SHROOM4: variants seen among roughly 807,000 people sequenced by gnomAD.
SHROOM4 encodes the protein shroom family member 4.
A neutral mutation model predicts 80.3 loss-of-function variants in SHROOM4; 17 were observed. The ratio of observed to expected loss-of-function variants is 0.21; its 90% CI spans 0.14 to 0.32. The LOEUF (loss-of-function observed/expected upper bound fraction) is 0.32. SHROOM4 is among the 10% of genes least tolerant of loss of function. SHROOM4 has a pLI of 1.00. For synonymous variants in SHROOM4, 400 were observed against 437.5 expected (o/e 0.91, Z 1.07); for missense variants, 993 against 1,140.3 (o/e 0.87, Z 1.86).
At chrX:50,773,525 C>T (rs781993622) in intron 1 of SHROOM4, among the ~76,000 whole-genome samples, 14 of 112,233 alleles carry the variant, frequency 1.2e-4, no homozygotes, top group African/African-American at 4.2e-4. Context: ...TACTGTACTG[C>T]AATACAAAAG....
In SHROOM4 at chrX:50,608,108, A is replaced by G. The variant is rs1012526566; in HGVS notation, c.3034T>C (p.Leu1012=). The change falls in exon 6 of 9, where the codon TTG becomes CTG. Residue 1012 remains leucine (L), a synonymous_variant. Transcript: ENST00000376020. ...HPCLENPALD[L]SSYRAISSLD... ...GAAGAAATTGCTCGGTAGCTTGACA[A>G]GTCCAGTGCTGGGTTCTCAAGGCAA... 19 of 1,211,879 alleles carry G rather than the reference A, an allele frequency of 1.6e-5. No individual in the cohort carries two copies. Among genetic ancestry groups the G allele is most frequent in the Non-Finnish European group, 2.1e-5 (19 of 895,566 alleles).
intron 1 of SHROOM4, among the ~76,000 whole-genome samples, chrX:50,780,848 T>C (rs1328383628): frequency 1.8e-5 from 2 of 111,551 alleles, no homozygotes; most frequent in African/African-American, 6.5e-5. Context: ...GATATAAAGA[T>C]AAATATAGGA....
At chrX:50,774,317 T>C (rs981376911) in intron 1 of SHROOM4, among the ~76,000 whole-genome samples, 7 of 111,581 alleles carry the variant, frequency 6.3e-5, no homozygotes, top group Non-Finnish European at 1.1e-4. Flanking sequence ...AACACTCTTG[T>C]TGACATGTCC....
At chrX:50,650,610 G>C (rs989676888) in intron 2 of SHROOM4, among the ~76,000 whole-genome samples, 4 of 109,810 alleles carry the variant, frequency 3.6e-5, no homozygotes, top group African/African-American at 1.3e-4. Context: ...CGCCCACCTC[G>C]ATCTCCCAAA....
chrX:50,652,938 G>C (rs782272546), intron 2 of SHROOM4, among the ~76,000 whole-genome samples: 9 of 111,166 alleles, frequency 8.1e-5, no homozygotes, highest in Non-Finnish European at 1.3e-4. Flanking sequence ...ATCTGTTTTG[G>C]TACCAGTACC....
chrX:50,742,192 T>G (rs1274116007), intron 1 of SHROOM4, among the ~76,000 whole-genome samples: 6 of 111,005 alleles, frequency 5.4e-5, no homozygotes, highest in African/African-American at 2.0e-4. Flanking sequence ...ATTATACTGT[T>G]TTATGCTGTT....
At chrX:50,674,698 C>CAAAAGTCT (rs1932834263) in intron 2 of SHROOM4, among the ~76,000 whole-genome samples, 2 of 111,131 alleles carry the variant, frequency 1.8e-5, no homozygotes, top group Admixed American at 9.6e-5. Context: ...GACTTGACAC[C>CAAAAGTCT]AAAAGTATAT....
Position 50,627,764 on chromosome X carries a change from G to C in SHROOM4, c.2896-89C>G. ...AAATGTGAAGAGGTCAGGAGCCGGT[G>C]TCTGGCCCAGCCCCCCAGCTTGTTT... On this transcript the variant is annotated intron_variant, in intron 4 of 8. Transcript: ENST00000376020. 1.5e-5 allele frequency: 11 copies of C among 736,813 alleles called. No homozygotes were observed. In the South Asian group the frequency reaches 2.4e-4, roughly 16 times the overall value. The allele number at this position is 736,813 out of a possible 1,213,427, so 60.7% of individuals were successfully genotyped here.
Position 50,598,461 on chromosome X carries a change from G to C in SHROOM4, c.4017C>G (p.Ile1339Met), listed in dbSNP as rs1929230229. Reference protein sequence around the residue: ...REAQRGLLEDINANSALGEEV... With the variant: ...REAQRGLLEDMNANSALGEEV... Reference sequence around the variant, plus strand: ...CCTCCCCAAGGGCAGAATTGGCATTGATGTCCTCTAGCAGCCCTCGCTGGG... The same window carrying C: ...CCTCCCCAAGGGCAGAATTGGCATTCATGTCCTCTAGCAGCCCTCGCTGGG... The change falls in exon 8 of 9, where the codon ATC (isoleucine) becomes ATG (methionine). Residue 1339 changes from isoleucine (I) to methionine (M), a missense_variant. Coordinates refer to ENST00000376020, the MANE Select transcript of SHROOM4 (RefSeq NM_020717.5). 1.7e-6 allele frequency: 2 copies of C among 1,206,825 alleles called. No individual in the cohort carries two copies. Among genetic ancestry groups the C allele is most frequent in the African/African-American group, 3.5e-5 (2 of 57,157 alleles).
chrX:50,665,153 C>T (rs1557260245), intron 2 of SHROOM4, among the ~76,000 whole-genome samples: 1 of 111,010 alleles, frequency 9.0e-6, no homozygotes, highest in African/African-American at 3.3e-5. Context: ...TGCCTTCACC[C>T]AACAGATGGC....
rs142827776 is a variant in SHROOM4, at chrX:50,635,186, C to T, written c.887G>A (p.Arg296His). 4.1e-5 allele frequency: 49 copies of T among 1,202,656 alleles called. No homozygotes were observed. The highest frequency in any genetic ancestry group is 9.0e-5 in the East Asian group (3 of 33,476). Reference sequence around the variant, plus strand: ...GGGGACCACAGGCTCAGATGCCCTGCGCTGCTCTCCATTGAGGAGTTGGGC... The same window carrying T: ...GGGGACCACAGGCTCAGATGCCCTGTGCTGCTCTCCATTGAGGAGTTGGGC... Reference protein sequence around the residue: ...SRAQLLNGEQRRASEPVVPLP... With the variant: ...SRAQLLNGEQHRASEPVVPLP... Residue 296 changes from arginine to histidine, a missense_variant, in exon 4 of 9, where the codon CGC becomes CAC. Physicochemically the swap from Arg to His is conservative, Grantham distance 29 (BLOSUM62 0). Transcript: ENST00000376020.
At chrX:50,785,132 A>C (rs1216480338) in intron 1 of SHROOM4, among the ~76,000 whole-genome samples, 1 of 111,891 alleles carries the variant, frequency 8.9e-6, no homozygotes, top group Admixed American at 9.5e-5. Flanking sequence ...GTTGGTGAGA[A>C]TGTGGAGGAA....
rs370371137 is a variant in SHROOM4 at position 50,635,491 on chromosome X, C to T, written c.582G>A (p.Ser194=). The T allele has an allele frequency of 8.3e-7, 1 of 1,210,510 alleles. No homozygotes were observed. The highest frequency in any genetic ancestry group is 1.1e-6 in the Non-Finnish European group (1 of 895,010). The change falls in exon 4 of 9, where the codon TCG becomes TCA. Residue 194 remains serine, a synonymous_variant. Transcript: ENST00000376020. The part of the protein sequence containing the change: ...NQRDSAYSSF[S]ASSNASDCAL... ...CACAGTCAGAAGCATTTGAGCTGGC[C>T]GAGAAGGAGCTGTAGGCTGAGTCAC... is the stretch of plus-strand genomic sequence containing the variant.
intron 1 of SHROOM4, among the ~76,000 whole-genome samples, chrX:50,789,617 G>GT (rs782205101): frequency 2.7e-5 from 3 of 111,235 alleles, no homozygotes; most frequent in Non-Finnish European, 5.7e-5. Context: ...TAATCCCAAA[G>GT]TTACTTGAAG....
At chrX:50,780,062 A>T (rs1481230848) in intron 1 of SHROOM4, among the ~76,000 whole-genome samples, 2 of 111,886 alleles carry the variant, frequency 1.8e-5, no homozygotes, top group African/African-American at 3.3e-5. Context: ...TGGGTAAAAA[A>T]GTATGCAAAA....
chrX:50,671,710 T>C (rs1214420690), intron 2 of SHROOM4, among the ~76,000 whole-genome samples: 1 of 112,855 alleles, frequency 8.9e-6, no homozygotes, highest in Non-Finnish European at 1.9e-5. Flanking sequence ...TGCTCTTCTA[T>C]GCAGACCACT....
At chrX:50,624,613 C>CT (rs36097095) in intron 5 of SHROOM4, among the ~76,000 whole-genome samples, 26,996 of 92,368 alleles carry the variant, frequency 0.29, 3,676 homozygotes, top group South Asian at 0.39. Context: ...ATCTTTTTAT[C>CT]TTTTTTTTTT....
the SHROOM4 span, among the ~76,000 whole-genome samples, chrX:50,577,612 A>C: frequency 8.9e-6 from 1 of 112,272 alleles, no homozygotes; most frequent in Non-Finnish European, 1.9e-5. Context: ...TGGAAGCAGC[A>C]GTGAGAGGAT....
intron 2 of SHROOM4, among the ~76,000 whole-genome samples, chrX:50,684,894 T>C (rs1294962440): frequency 8.9e-6 from 1 of 112,070 alleles, no homozygotes; most frequent in Non-Finnish European, 1.9e-5. Flanking sequence ...GATTCATCTA[T>C]ACAGGGTCTT....
Sources: allele counts gnomAD v4.1 joint callset (sites outside exome capture counted in the v4.1 genomes callset), GRCh38; gene constraint gnomAD v4.1.1; transcripts MANE v1.5; gene names NCBI Gene and HGNC (gene_info 2026-07-23, HGNC 2026-07-21).